EBF2: variants seen among roughly 807,000 people sequenced by gnomAD.
EBF2 encodes EBF transcription factor 2, also known as transcription factor COE2.
In EBF2, 21 loss-of-function variants were observed where a neutral mutation model predicts 72.8. That is an observed-to-expected ratio of 0.29 (90% CI 0.20 to 0.42). EBF2 has a LOEUF of 0.42. Among genes scored for constraint, EBF2 ranks in the 10% least tolerant of loss-of-function variants. The pLI is 1.00. For synonymous variants in EBF2, 299 were observed against 274.2 expected (o/e 1.09, Z -0.89); for missense variants, 637 against 731.2 (o/e 0.87, Z 1.49).
chr8:25,984,855 G>A (rs894423298), intron 6 of EBF2, among the ~76,000 whole-genome samples: 1 of 151,372 alleles, frequency 6.6e-6, no homozygotes, highest in African/African-American at 2.4e-5. Flanking sequence ...CAGATCCACA[G>A]CCACCCTTCC....
At chr8:25,947,676 G>T (rs1301483084) in intron 6 of EBF2, among the ~76,000 whole-genome samples, 1 of 152,158 alleles carries the variant, frequency 6.6e-6, no homozygotes, top group Non-Finnish European at 1.5e-5. Context: ...TGGAAGTGTT[G>T]CAACACGACA....
chr8:25,924,200 T>C (rs1414464398), intron 6 of EBF2, among the ~76,000 whole-genome samples: 1 of 152,242 alleles, frequency 6.6e-6, no homozygotes, highest in Non-Finnish European at 1.5e-5. Flanking sequence ...AATTGGGTAA[T>C]GCCTCTGAGA....
intron 10 of EBF2, among the ~76,000 whole-genome samples, chr8:25,882,382 A>G (rs1197128372): frequency 6.6e-6 from 1 of 152,288 alleles, no homozygotes; most frequent in African/African-American, 2.4e-5. Context: ...GATATGGGCC[A>G]TTCTATCCAC....
intron 6 of EBF2, among the ~76,000 whole-genome samples, chr8:25,942,723 T>G (rs1204300363): frequency 6.6e-6 from 1 of 152,188 alleles, no homozygotes; most frequent in Non-Finnish European, 1.5e-5. Flanking sequence ...AGTGAGGAGT[T>G]TGGAGTGGCC....
intron 1 of EBF2, among the ~76,000 whole-genome samples, chr8:26,043,714 G>A (rs888962766): frequency 6.6e-6 from 1 of 152,208 alleles, no homozygotes; most frequent in Non-Finnish European, 1.5e-5. Flanking sequence ...TCATTTCTCC[G>A]TGTGATGTTG....
intron 14 of EBF2, among the ~76,000 whole-genome samples, chr8:25,853,722 ATAACT>A (rs72454532): frequency 0.025 from 3,808 of 152,252 alleles, 178 homozygotes; most frequent in African/African-American, 0.086. Context: ...AAATTGGAAA[ATAACT>A]TAAGTGTCCC....
chr8:25,930,484 G>A (rs1803461553), intron 6 of EBF2, among the ~76,000 whole-genome samples: 1 of 152,148 alleles, frequency 6.6e-6, no homozygotes, highest in Admixed American at 6.5e-5. Context: ...ACCGCTTAGT[G>A]CCTTGCAGGG....
At position 26,033,234 on chromosome 8, in the gene EBF2, T is replaced by A. The variant is rs1161652201; in HGVS notation, c.483-81A>T. On this transcript the variant is annotated intron_variant, in intron 5 of 15. Coordinates refer to ENST00000520164, the MANE Select transcript of EBF2 (RefSeq NM_022659.4). ...AATGAGCACATGACAAGAACATTTT[T>A]TCCCCCCAGACAGAGTCTGGCTCTG... The A allele has an allele frequency of 2.1e-5, 29 of 1,407,356 alleles. No individual in the cohort carries two copies. The East Asian group carries it at 5.7e-4, about 28-fold the overall frequency. 87.2% of individuals were successfully genotyped at this position (1,407,356 alleles called of 1,614,324 possible). A position where few individuals can be genotyped will look rare whatever the true frequency, so the allele number is the denominator to read the frequency against.
At chr8:25,982,488 A>G (rs1255195879) in intron 6 of EBF2, among the ~76,000 whole-genome samples, 1 of 152,174 alleles carries the variant, frequency 6.6e-6, no homozygotes, top group Non-Finnish European at 1.5e-5. Context: ...GGTCATGGGG[A>G]GTGAAAGGTG....
chr8:25,929,910 C>T (rs2117144370), intron 6 of EBF2, among the ~76,000 whole-genome samples: 1 of 152,136 alleles, frequency 6.6e-6, no homozygotes, highest in African/African-American at 2.4e-5. Flanking sequence ...AGGGGGAGAC[C>T]TGGGGAAGGA....
At chr8:25,859,347 A>C (rs1802164585) in intron 13 of EBF2, among the ~76,000 whole-genome samples, 1 of 152,212 alleles carries the variant, frequency 6.6e-6, no homozygotes, top group Non-Finnish European at 1.5e-5. Context: ...CTCTGGGGCC[A>C]CTTGTATTCT....
At chr8:25,986,046 G>A (rs1443688553) in intron 6 of EBF2, among the ~76,000 whole-genome samples, 4 of 143,032 alleles carry the variant, frequency 2.8e-5, no homozygotes, top group Non-Finnish European at 4.5e-5. Flanking sequence ...GGTTGGGAAG[G>A]TTTCATGAGC....
chr8:25,980,787 CAAAAAAAA>C (rs34271943), intron 6 of EBF2, among the ~76,000 whole-genome samples: 1 of 67,134 alleles, frequency 1.5e-5, no homozygotes, highest in Admixed American at 1.7e-4. Context: ...GAGGCCACCA[CAAAAAAAA>C]AAAAAAAAAA....
intron 6 of EBF2, among the ~76,000 whole-genome samples, chr8:25,943,439 G>A (rs1363670441): frequency 6.6e-6 from 1 of 152,038 alleles, no homozygotes; most frequent in Admixed American, 6.5e-5. Context: ...GAACCCAGGA[G>A]TTTGAGGCTA....
chr8:25,898,307 G>A (rs1034511282), intron 7 of EBF2, among the ~76,000 whole-genome samples: 53 of 152,084 alleles, frequency 3.5e-4, no homozygotes, highest in Non-Finnish European at 5.4e-4. Flanking sequence ...GATTATTCTG[G>A]CACCTAAGAA....
At chr8:25,999,677 C>T (rs561118542) in intron 6 of EBF2, among the ~76,000 whole-genome samples, 6 of 151,404 alleles carry the variant, frequency 4.0e-5, no homozygotes, top group Non-Finnish European at 7.4e-5. Flanking sequence ...CTTCCCAAAC[C>T]GTCCCCCATA....
intron 10 of EBF2, among the ~76,000 whole-genome samples, chr8:25,886,212 C>T (rs1375289583): frequency 6.6e-6 from 1 of 152,162 alleles, no homozygotes; most frequent in Non-Finnish European, 1.5e-5. Flanking sequence ...TGCAATATAC[C>T]GTTGTCTCCT....
chr8:25,848,113 C>T (rs184966102), intron 15 of EBF2, among the ~76,000 whole-genome samples: 10 of 152,280 alleles, frequency 6.6e-5, no homozygotes, highest in Admixed American at 5.2e-4. Flanking sequence ...ATCCTCCTGC[C>T]TCAGCCTCCC....
chr8:25,919,054 A>G (rs1188094871), intron 6 of EBF2, among the ~76,000 whole-genome samples: 2 of 152,192 alleles, frequency 1.3e-5, no homozygotes, highest in African/African-American at 4.8e-5. Flanking sequence ...AAGTTCCATT[A>G]GGACTGTATC....
Sources: gnomAD v4.1 joint callset for allele counts (sites outside exome capture counted in the v4.1 genomes callset) on GRCh38, gnomAD v4.1.1 for gene constraint, MANE v1.5 for transcripts, NCBI Gene and HGNC (gene_info 2026-07-23, HGNC 2026-07-21) for gene names.